Variants in GDPD5 observed in about 807,000 individuals in gnomAD.
The protein encoded by GDPD5 is glycerophosphodiester phosphodiesterase 2.
GDPD5 carries 48 observed loss-of-function variants against 75.1 expected under a neutral mutation model. The observed-to-expected ratio is 0.64, with a 90% CI of 0.51 to 0.81. The LOEUF (loss-of-function observed/expected upper bound fraction) is 0.81. GDPD5 is among the 40% of genes least tolerant of loss of function. The probability of loss-of-function intolerance (pLI) is 0.00; values close to 1 mark genes in which losing one functional copy is unlikely to be tolerated. For missense variants in GDPD5, 706 were observed against 822.6 expected (o/e 0.86, Z 1.73); for synonymous variants, 336 against 339.0 (o/e 0.99, Z 0.10).
At chr11:75,454,072 CAA>C (rs1949233518) in intron 6 of GDPD5, among the ~76,000 whole-genome samples, 1 of 152,122 alleles carries the variant, frequency 6.6e-6, no homozygotes, top group African/African-American at 2.4e-5. Flanking sequence ...ACGCAATGAG[CAA>C]AGTCCAAGGA....
chr11:75,493,945 A>C (rs1376005369), intron 1 of GDPD5, among the ~76,000 whole-genome samples: 1 of 152,192 alleles, frequency 6.6e-6, no homozygotes, highest in African/African-American at 2.4e-5. Context: ...TACTCACATT[A>C]ATGTAACATG....
intron 6 of GDPD5, among the ~76,000 whole-genome samples, chr11:75,453,162 G>T (rs1949207320): frequency 6.6e-6 from 1 of 152,134 alleles, no homozygotes; most frequent in African/African-American, 2.4e-5. Flanking sequence ...GGAAACAGGA[G>T]ATTTTGGCAG....
At position 75,477,750 on chromosome 11, in the gene GDPD5, C is replaced by T; in HGVS notation, c.-15G>A. 2 of 1,532,366 alleles carry T rather than the reference C, an allele frequency of 1.3e-6. No individual in the cohort carries two copies. The highest frequency in any genetic ancestry group is 2.1e-4 in the Middle Eastern group (1 of 4,812). The allele number at this position is 1,532,366 out of a possible 1,614,324, so 94.9% of individuals were successfully genotyped here. On this transcript the variant is annotated 5_prime_UTR_variant, in exon 3 of 17. Transcript: ENST00000336898. ...TGTCTCACCATACTCGTGCCCACGG[C>T]CCTGGCGCCTGGCCCTCAGGCGCCC...
chr11:75,483,973 G>C (rs1949971816), intron 2 of GDPD5, among the ~76,000 whole-genome samples: 2 of 152,138 alleles, frequency 1.3e-5, no homozygotes, highest in Non-Finnish European at 2.9e-5. Flanking sequence ...GATCACTTGA[G>C]GTCAGGAGTT....
At chr11:75,478,627 G>A (rs1408276796) in intron 2 of GDPD5, among the ~76,000 whole-genome samples, 2 of 152,184 alleles carry the variant, frequency 1.3e-5, no homozygotes, top group Admixed American at 6.5e-5. Flanking sequence ...ATGAAGGCAA[G>A]GATTTTTGTC....
chr11:75,505,832 A>C lies in GDPD5; in HGVS notation c.-144-15512T>G, dbSNP rs1449755813. On this transcript the variant is annotated intron_variant, in intron 1 of 16. Transcript: ENST00000336898. ...ACCGTTTCTCCTATTCCATGCTGCC[A>C]AAAGTGGAAAAGACTCTAACATAAG... 2.6e-5 allele frequency among the ~76,000 whole-genome samples: 4 copies of C among 152,212 alleles called. No individual in the cohort carries two copies. In the East Asian group the frequency reaches 7.7e-4, roughly 29 times the overall value.
intron 3 of GDPD5, among the ~76,000 whole-genome samples, chr11:75,477,008 A>T (rs977605594): frequency 6.6e-6 from 1 of 152,192 alleles, no homozygotes; most frequent in Non-Finnish European, 1.5e-5. Flanking sequence ...CCAGACAGTA[A>T]AGCTTTTAGA....
chr11:75,454,054 T>A (rs981793354), intron 6 of GDPD5, among the ~76,000 whole-genome samples: 1 of 152,136 alleles, frequency 6.6e-6, no homozygotes, highest in Non-Finnish European at 1.5e-5. Context: ...TATATCCCCA[T>A]GGTAAAAACG....
chr11:75,513,125 T>C (rs1433223120), intron 1 of GDPD5, among the ~76,000 whole-genome samples: 1 of 152,100 alleles, frequency 6.6e-6, no homozygotes, highest in East Asian at 1.9e-4. Flanking sequence ...AGGGAGGTTT[T>C]ATAGAAAAAA....
intron 1 of GDPD5, among the ~76,000 whole-genome samples, chr11:75,524,577 C>G (rs1941591054): frequency 6.6e-6 from 1 of 152,236 alleles, no homozygotes; most frequent in East Asian, 1.9e-4. Context: ...ATCTCCAGCT[C>G]TGACAGACCC....
At chr11:75,487,998 G>C (rs1053807012) in intron 2 of GDPD5, among the ~76,000 whole-genome samples, 3 of 152,124 alleles carry the variant, frequency 2.0e-5, no homozygotes, top group African/African-American at 7.2e-5. Flanking sequence ...CAAAACATCA[G>C]CACCAAAGTC....
At chr11:75,437,236 G>A (rs1377272310) in intron 15 of GDPD5, 188 bp from the exon 16 acceptor site, 9 of 567,602 alleles carry the variant, frequency 1.6e-5, no homozygotes, top group South Asian at 1.1e-4. Flanking sequence ...ACTGACTCTC[G>A]GCCAGGGCTC....
intron 2 of GDPD5, among the ~76,000 whole-genome samples, chr11:75,483,310 C>T (rs1165289570): frequency 6.6e-6 from 1 of 152,200 alleles, no homozygotes; most frequent in Admixed American, 6.5e-5. Flanking sequence ...GCACAGCCTC[C>T]TGCTTGCACA....
At chr11:75,456,043 T>G (rs948735888) in intron 6 of GDPD5, among the ~76,000 whole-genome samples, 2 of 152,244 alleles carry the variant, frequency 1.3e-5, no homozygotes, top group Admixed American at 1.3e-4. Flanking sequence ...CTGCAGGGGC[T>G]GAGGAAGTCC....
At chr11:75,498,176 G>A (rs1371852974) in intron 1 of GDPD5, among the ~76,000 whole-genome samples, 1 of 152,202 alleles carries the variant, frequency 6.6e-6, no homozygotes, top group African/African-American at 2.4e-5. Flanking sequence ...CAGGGGACAG[G>A]AGAGAGTTAA....
intron 12 of GDPD5, among the ~76,000 whole-genome samples, 186 bp from the exon 13 acceptor site, chr11:75,441,989 G>T (rs1948829248): frequency 6.6e-6 from 1 of 152,236 alleles, no homozygotes; most frequent in South Asian, 2.1e-4. Context: ...CAGCAACTCA[G>T]GAAACTTCGC....
chr11:75,456,939 C>T (rs2135265559), intron 5 of GDPD5, 123 bp from the exon 6 acceptor site: 1 of 904,708 alleles, frequency 1.1e-6, no homozygotes, highest in East Asian at 2.5e-5. Flanking sequence ...CAGCGAACCT[C>T]CCTCCAGGCG....
At position 75,483,430 on chromosome 11, in the gene GDPD5, C is replaced by T. The variant is rs1049328785; in HGVS notation, c.-60-5635G>A. Among the ~76,000 whole-genome samples the T allele has an allele frequency of 2.6e-5, 4 of 152,142 alleles. No individual in the cohort carries two copies. In the South Asian group the frequency reaches 6.2e-4, roughly 24 times the overall value. ...GGCGTCCTGTCTCATCCTCACATCC[C>T]GGGACGCACTGGCCTGCTCCCCTAC... On this transcript the variant is annotated intron_variant, in intron 2 of 16. Transcript: ENST00000336898.
At position 75,511,018 on chromosome 11, in the gene GDPD5, G is replaced by C. The variant is rs945707608; in HGVS notation, c.-145+14192C>G. 8.5e-5 allele frequency among the ~76,000 whole-genome samples: 13 copies of C among 152,376 alleles called. No homozygotes were observed. The East Asian group carries it at 2.1e-3, about 25-fold the overall frequency. ...TTGAAAACCCTCGGAGGAAAGAGATGCAGCACTGTGGGGGAAAAATGAAAT... is the reference window on the plus strand; with the variant it reads ...TTGAAAACCCTCGGAGGAAAGAGATCCAGCACTGTGGGGGAAAAATGAAAT... On this transcript the variant is annotated intron_variant, in intron 1 of 16. Transcript: ENST00000336898.
Sources: gnomAD v4.1 joint callset for allele counts (sites outside exome capture counted in the v4.1 genomes callset) on GRCh38, gnomAD v4.1.1 for gene constraint, MANE v1.5 for transcripts, NCBI Gene and HGNC (gene_info 2026-07-23, HGNC 2026-07-21) for gene names.